The following MRM1 variants were observed in gnomAD, a reference collection of about 807,000 sequenced individuals.
MRM1 encodes rRNA methyltransferase 1, mitochondrial.
A neutral mutation model predicts 25.0 loss-of-function variants in MRM1; 24 were observed. The ratio of observed to expected loss-of-function variants is 0.96; its 90% CI spans 0.69 to 1.35. The LOEUF (loss-of-function observed/expected upper bound fraction) is 1.35, where lower values mean the gene tolerates loss of function less well. Among genes scored for constraint, MRM1 ranks in the 40% most tolerant of loss-of-function variants. The probability of loss-of-function intolerance (pLI) is 0.00; values close to 1 mark genes in which losing one functional copy is unlikely to be tolerated. For synonymous variants in MRM1, 188 were observed against 199.2 expected (o/e 0.94, Z 0.47); for missense variants, 431 against 464.1 (o/e 0.93, Z 0.65).
In MRM1 at chr17:36,602,212, C is replaced by T. The variant is rs2074881011; in HGVS notation, c.402C>T (p.Ala134=). 2.5e-6 allele frequency: 4 copies of T among 1,610,470 alleles called. No homozygotes were observed. Among genetic ancestry groups the T allele is most frequent in the Non-Finnish European group, 3.4e-6 (4 of 1,177,888 alleles). The change falls in exon 1 of 5, where the codon GCC becomes GCT. Residue 134 remains alanine, a synonymous_variant. Transcript: ENST00000614766. The surrounding 1 kb of genome is among the most constrained non-coding windows in gnomAD (Gnocchi z 4.1). ...SPLRPRPWRE[A]GEASPGDDPQ... is the part of the protein sequence containing the mutation. The stretch of plus-strand genomic sequence containing the variant: ...TGCGGCCCCGGCCTTGGAGAGAGGC[C>T]GGGGAGGCGAGCCCAGGCGACGACC...
downstream of MRM1, among the ~76,000 whole-genome samples, chr17:36,609,695 G>C (rs954693976): frequency 2.6e-5 from 4 of 152,178 alleles, no homozygotes; most frequent in East Asian, 3.9e-4. Context: ...TGTGACCTTG[G>C]GGGGGCGCTC....
the MRM1 span, among the ~76,000 whole-genome samples, chr17:36,625,991 C>G: frequency 1.2e-4 from 19 of 152,120 alleles, no homozygotes; most frequent in South Asian, 2.9e-3. Flanking sequence ...CCATGCCCCC[C>G]CGCCGACCCC....
the MRM1 span, among the ~76,000 whole-genome samples, chr17:36,617,634 G>A: frequency 6.6e-6 from 1 of 152,052 alleles, no homozygotes; most frequent in Non-Finnish European, 1.5e-5. Flanking sequence ...GACCTCAAGT[G>A]ATCCACCCGC....
chr17:36,618,752 C>T, the MRM1 span, among the ~76,000 whole-genome samples: 1 of 152,174 alleles, frequency 6.6e-6, no homozygotes, highest in Non-Finnish European at 1.5e-5. Flanking sequence ...CTGACCAGGT[C>T]CCAGACACTT....
At chr17:36,632,571 A>C in the MRM1 span, among the ~76,000 whole-genome samples, 2 of 152,064 alleles carry the variant, frequency 1.3e-5, no homozygotes, top group East Asian at 3.9e-4. Flanking sequence ...TCCAAGTCTC[A>C]GTTAACGAGG....
At chr17:36,610,524 G>A (rs1021574056), downstream of MRM1, among the ~76,000 whole-genome samples, 1 of 151,980 alleles carries the variant, frequency 6.6e-6, no homozygotes, top group Admixed American at 6.6e-5. Context: ...GAGCCACTGC[G>A]CCCGGCCTAA....
rs1188914998 is a variant in MRM1 at position 36,608,444 on chromosome 17, G to A, written c.*29G>A. 4.1e-6 allele frequency: 6 copies of A among 1,446,146 alleles called. No individual in the cohort carries two copies. The highest frequency in any genetic ancestry group is 4.6e-6 in the Non-Finnish European group (5 of 1,094,316). 89.6% of individuals were successfully genotyped at this position (1,446,146 alleles called of 1,614,324 possible). The stretch of plus-strand genomic sequence containing the variant: ...GGACTGTCCACAGTGTTCATGTGCT[G>A]GAGTCAGGGACGGCCGCACCTGCCT... On this transcript the variant is annotated 3_prime_UTR_variant, in exon 5 of 5. Transcript: ENST00000614766.
the MRM1 span, among the ~76,000 whole-genome samples, chr17:36,624,953 G>T: frequency 5.9e-5 from 9 of 152,230 alleles, no homozygotes; most frequent in East Asian, 1.9e-4. The surrounding 1 kb of genome is among the most constrained non-coding windows in gnomAD (Gnocchi z 4.0). Flanking sequence ...GGATGCTGAC[G>T]TGAAGGAAGC....
chr17:36,602,956 C>A lies in MRM1; in HGVS notation c.636+310C>A, dbSNP rs935362700. The A allele has an allele frequency of 3.0e-6, 3 of 985,294 alleles. No individual in the cohort carries two copies. In the African/African-American group the frequency reaches 5.2e-5, roughly 17 times the overall value. The allele number at this position is 985,294 out of a possible 1,614,324, so 61.0% of individuals were successfully genotyped here. On this transcript the variant is annotated intron_variant, in intron 2 of 4. Transcript: ENST00000614766. This position sits in a 1 kb window ranked among gnomAD's most constrained non-coding sequence, Gnocchi z 4.1. The stretch of plus-strand genomic sequence containing the variant: ...CGGGCTTCAGTAAATGCATTTTGTT[C>A]AGCTGTGGGGAGCTGCGTACAGGAG...
chr17:36,614,689 T>G, the MRM1 span, among the ~76,000 whole-genome samples: 3 of 152,206 alleles, frequency 2.0e-5, no homozygotes, highest in African/African-American at 7.2e-5. Context: ...TCTAGGACAT[T>G]TAGTTGTCTC....
chr17:36,614,613 C>T, the MRM1 span, among the ~76,000 whole-genome samples: 169 of 152,246 alleles, frequency 1.1e-3, 3 homozygotes, highest in Non-Finnish European at 1.9e-4. Flanking sequence ...GTGAACAGGG[C>T]GCAGTCTCAG....
chr17:36,608,543 G>T lies in MRM1; in HGVS notation c.*128G>T, dbSNP rs74361156. The T allele has an allele frequency of 1.7e-4, 87 of 511,384 alleles. 2 individuals carry two copies. The highest frequency in any genetic ancestry group is 1.3e-3 in the African/African-American group (67 of 52,040). 31.7% of individuals were successfully genotyped at this position (511,384 alleles called of 1,614,324 possible). ...CCATGTTTATTGACCACAGTCTGGGGGGGGGGGAAGGGGACTGCGGTGGAC... is the reference window on the plus strand; with the variant it reads ...CCATGTTTATTGACCACAGTCTGGGTGGGGGGGAAGGGGACTGCGGTGGAC... On this transcript the variant is annotated 3_prime_UTR_variant, in exon 5 of 5. Transcript: ENST00000614766.
At chr17:36,633,758 T>A in the MRM1 span, among the ~76,000 whole-genome samples, 1 of 152,112 alleles carries the variant, frequency 6.6e-6, no homozygotes, top group Admixed American at 6.5e-5. Flanking sequence ...CAGTCCCCGA[T>A]AGCAGCAGGA....
chr17:36,628,236 C>T, the MRM1 span, among the ~76,000 whole-genome samples: 1 of 152,204 alleles, frequency 6.6e-6, no homozygotes, highest in Admixed American at 6.5e-5. Flanking sequence ...AATCCTCTGG[C>T]CTTGGCCTCT....
chr17:36,613,487 A>G (rs2074989241), downstream of MRM1, among the ~76,000 whole-genome samples: 2 of 151,932 alleles, frequency 1.3e-5, no homozygotes, highest in South Asian at 4.2e-4. Flanking sequence ...CTTCCCTGCA[A>G]CCTCTCCCCA....
In MRM1 at chr17:36,602,850, C is replaced by T. The variant is rs1159156490; in HGVS notation, c.636+204C>T. 8.5e-6 allele frequency: 7 copies of T among 825,452 alleles called. No homozygotes were observed. Among genetic ancestry groups the T allele is most frequent in the Non-Finnish European group, 1.0e-5 (7 of 684,420 alleles). 51.1% of individuals were successfully genotyped at this position (825,452 alleles called of 1,614,324 possible). On this transcript the variant is annotated intron_variant, in intron 2 of 4. Transcript: ENST00000614766. The surrounding 1 kb of genome is among the most constrained non-coding windows in gnomAD (Gnocchi z 4.1). ...AGCTGAATTCTTCCTAGCGTTATAC[C>T]CTTTCCTGCACCCCTTCCCCAGGTA... is the stretch of plus-strand genomic sequence containing the variant.
At chr17:36,610,593 C>G (rs1487570720), downstream of MRM1, among the ~76,000 whole-genome samples, 2 of 152,156 alleles carry the variant, frequency 1.3e-5, no homozygotes, top group African/African-American at 4.8e-5. Context: ...CCTTCATAAA[C>G]TGCACTGATC....
intron 2 of MRM1, among the ~76,000 whole-genome samples, chr17:36,605,937 A>G (rs2074924951): frequency 6.6e-6 from 1 of 152,102 alleles, no homozygotes. Flanking sequence ...TGTTGAAGTC[A>G]TACCATGTTA....
chr17:36,623,484 C>T, the MRM1 span, among the ~76,000 whole-genome samples: 1 of 152,150 alleles, frequency 6.6e-6, no homozygotes, highest in Admixed American at 6.5e-5. Flanking sequence ...ATTAATCTCG[C>T]CTGGATGCTA....
Sources: allele counts gnomAD v4.1 joint callset (sites outside exome capture counted in the v4.1 genomes callset), GRCh38; gene constraint gnomAD v4.1.1; non-coding constraint Gnocchi (gnomAD v3.1); transcripts MANE v1.5; gene names NCBI Gene and HGNC (gene_info 2026-07-23, HGNC 2026-07-21).